ACTL9: variants seen among roughly 807,000 people sequenced by gnomAD.
ACTL9 encodes actin-like protein 9.
A neutral mutation model predicts 0.9 loss-of-function variants in ACTL9; 1 was observed. The ratio of observed to expected loss-of-function variants is 1.10; its 90% CI spans 0.39 to 5.23. ACTL9 has a LOEUF of 5.23. Ranked by LOEUF, ACTL9 falls within the 30% of genes most tolerant of loss-of-function variation. The probability of loss-of-function intolerance (pLI) is 0.16; values close to 1 mark genes in which losing one functional copy is unlikely to be tolerated. For synonymous variants in ACTL9, 283 were observed against 269.5 expected (o/e 1.05, Z -0.49); for missense variants, 597 against 566.8 (o/e 1.05, Z -0.54).
In ACTL9 at chr19:8,697,886, C is replaced by A; in HGVS notation, c.816G>T (p.Pro272=). Residue 272 remains proline (P), a synonymous_variant, in exon 1 of 1, where the codon CCG becomes CCT. Transcript: ENST00000324436. This position sits in a 1 kb window ranked among gnomAD's most constrained non-coding sequence, Gnocchi z 4.3. ...ASDFQKEQAR[P]EQEYKRTLKL... is the part of the protein sequence containing the mutation. The stretch of plus-strand genomic sequence containing the variant: ...TCAGAGTCCGCTTGTACTCCTGCTC[C>A]GGCCGGGCCTGCTCCTTCTGGAAGT... 6.2e-7 allele frequency: 1 copy of A among 1,613,382 alleles called. No homozygotes were observed. Among genetic ancestry groups the A allele is most frequent in the Non-Finnish European group, 8.5e-7 (1 of 1,179,954 alleles).
rs781963592 is a variant in ACTL9, at chr19:8,697,710, C to G, written c.992G>C (p.Arg331Pro). 1.9e-6 allele frequency: 3 copies of G among 1,613,026 alleles called. No individual in the cohort carries two copies. The highest frequency in any genetic ancestry group is 1.3e-5 in the African/African-American group (1 of 74,888). The change falls in exon 1 of 1, where the codon CGC becomes CCC. Residue 331 changes from arginine to proline, a missense_variant. By Grantham distance (103) the Arg-to-Pro change is moderately radical. Transcript: ENST00000324436. The surrounding 1 kb of genome is among the most constrained non-coding windows in gnomAD (Gnocchi z 4.3). ...QSLRKLSLEM[R>P]ADLAQNVLLC... ...AAGCACGTTTTGGGCCAAGTCCGCG[C>G]GCATCTCCAGTGACAACTTGCGGAG...
Position 8,698,632 on chromosome 19 carries a change from G to A in ACTL9, c.70C>T (p.Pro24Ser). ...GGCTTGTTCACCACGTTGGGACTGG[G>A]GTTTGGGCCGGGCCTGGGGGCCTCC... ...SLEAPRPGPN[P>S]SPNVVNKPLQ... Residue 24 changes from proline (P) to serine (S), a missense_variant, in exon 1 of 1, where the codon CCC becomes TCC. Pro to Ser is a moderately conservative substitution (Grantham distance 74). Coordinates refer to ENST00000324436, the MANE Select transcript of ACTL9 (RefSeq NM_178525.5). The A allele has an allele frequency of 1.3e-6, 2 of 1,595,768 alleles. No homozygotes were observed. The highest frequency in any genetic ancestry group is 1.7e-6 in the Non-Finnish European group (2 of 1,167,332).
In ACTL9 at chr19:8,698,751, G is replaced by T. The variant is rs900301381; in HGVS notation, c.-50C>A. ...GCTTTTCCTCTGGGGTTGGGGTTGCGGGGAGAAGAGGTTGAGGCCCGGCCA... is the reference window on the plus strand; with the variant it reads ...GCTTTTCCTCTGGGGTTGGGGTTGCTGGGAGAAGAGGTTGAGGCCCGGCCA... On this transcript the variant is annotated 5_prime_UTR_variant, in exon 1 of 1. Coordinates refer to ENST00000324436, the MANE Select transcript of ACTL9 (RefSeq NM_178525.5). 5.5e-6 allele frequency: 8 copies of T among 1,448,550 alleles called. No individual in the cohort carries two copies. The highest frequency in any genetic ancestry group is 1.5e-5 in the South Asian group (1 of 65,506). The allele number at this position is 1,448,550 out of a possible 1,614,324, so 89.7% of individuals were successfully genotyped here. A position where few individuals can be genotyped will look rare whatever the true frequency, so the allele number is the denominator to read the frequency against.
Position 8,697,553 on chromosome 19 carries a change from C to T in ACTL9, c.1149G>A (p.Gly383=). ...QPTRNFSVWI[G]GSILASLRAF... ...CGCGCAGGGAGGCCAGGATGGAGCC[C>T]CCGATCCATACGGAGAAATTCCTGG... The change falls in exon 1 of 1, where the codon GGG becomes GGA. Residue 383 remains glycine (G), a synonymous_variant. Coordinates refer to ENST00000324436, the MANE Select transcript of ACTL9 (RefSeq NM_178525.5). The surrounding 1 kb of genome is among the most constrained non-coding windows in gnomAD (Gnocchi z 4.3). 5 of 1,613,750 alleles carry T rather than the reference C, an allele frequency of 3.1e-6. No individual in the cohort carries two copies. Among genetic ancestry groups the T allele is most frequent in the Non-Finnish European group, 4.2e-6 (5 of 1,179,924 alleles).
rs2043211013 is a variant in ACTL9 at position 8,698,336 on chromosome 19, C to T, written c.366G>A (p.Trp122Ter). The change falls in exon 1 of 1, where the codon TGG becomes TGA. Residue 122 changes from tryptophan to a stop codon, truncating the protein, a stop_gained. Transcript: ENST00000324436. LOFTEE classifies it low-confidence loss of function (END_TRUNC). ...GGCGCCAGATGAGCTCGGCGGCATC[C>T]CAGTCCACGACGATGCCGCTGCGCA... ...QPLRSGIVVD[W>*]DAAELIWRHL... 1 of 1,525,232 alleles carries T rather than the reference C, an allele frequency of 6.6e-7. No individual in the cohort carries two copies. Among genetic ancestry groups the T allele is most frequent in the Non-Finnish European group, 8.8e-7 (1 of 1,135,380 alleles). 94.5% of individuals were successfully genotyped at this position (1,525,232 alleles called of 1,614,324 possible). A position where few individuals can be genotyped will look rare whatever the true frequency, so the allele number is the denominator to read the frequency against.
rs2043211720 is a variant in ACTL9 at position 8,698,411 on chromosome 19, G to A, written c.291C>T (p.Phe97=). 8 of 1,517,382 alleles carry A rather than the reference G, an allele frequency of 5.3e-6. No homozygotes were observed. Among genetic ancestry groups the A allele is most frequent in the Non-Finnish European group, 7.1e-6 (8 of 1,132,320 alleles). 94.0% of individuals were successfully genotyped at this position (1,517,382 alleles called of 1,614,324 possible). Residue 97 remains phenylalanine, a synonymous_variant, in exon 1 of 1, where the codon TTC becomes TTT. Transcript: ENST00000324436. ...GGAGCACGCGGGCTGCCTCGCCGATGAACGTCTGCAGCCCGGACTGCCCCG... is the reference window on the plus strand; with the variant it reads ...GGAGCACGCGGGCTGCCTCGCCGATAAACGTCTGCAGCCCGGACTGCCCCG... ...ATSGQSGLQT[F]IGEAARVLPE... is the part of the protein sequence containing the mutation.
rs782617571 is a variant in ACTL9 at position 8,697,681 on chromosome 19, A to G, written c.1021T>C (p.Cys341Arg). 6.2e-7 allele frequency: 1 copy of G among 1,613,124 alleles called. No homozygotes were observed. Among genetic ancestry groups the G allele is most frequent in the East Asian group, 2.2e-5 (1 of 44,858 alleles). Reference sequence around the variant, plus strand: ...CCGGTGAAGAGCGAGGACCCACCGCAGAGAAGCACGTTTTGGGCCAAGTCC... The same window carrying G: ...CCGGTGAAGAGCGAGGACCCACCGCGGAGAAGCACGTTTTGGGCCAAGTCC... Reference protein sequence around the residue: ...RADLAQNVLLCGGSSLFTGFE... With the variant: ...RADLAQNVLLRGGSSLFTGFE... The change falls in exon 1 of 1, where the codon TGC (cysteine) becomes CGC (arginine). Residue 341 changes from cysteine to arginine, a missense_variant. Transcript: ENST00000324436. This position sits in a 1 kb window ranked among gnomAD's most constrained non-coding sequence, Gnocchi z 4.3.
Position 8,697,700 on chromosome 19 carries a change from C to G in ACTL9, c.1002G>C (p.Leu334Phe). 3 of 1,613,162 alleles carry G rather than the reference C, an allele frequency of 1.9e-6. No homozygotes were observed. Among genetic ancestry groups the G allele is most frequent in the Non-Finnish European group, 1.7e-6 (2 of 1,179,966 alleles). ...RKLSLEMRAD[L>F]AQNVLLCGGS... is the part of the protein sequence containing the mutation. The stretch of plus-strand genomic sequence containing the variant: ...CACCGCAGAGAAGCACGTTTTGGGC[C>G]AAGTCCGCGCGCATCTCCAGTGACA... The change falls in exon 1 of 1, where the codon TTG becomes TTC. Residue 334 changes from leucine (L) to phenylalanine (F), a missense_variant. Coordinates refer to ENST00000324436, the MANE Select transcript of ACTL9 (RefSeq NM_178525.5). The surrounding 1 kb of genome is among the most constrained non-coding windows in gnomAD (Gnocchi z 4.3).
chr19:8,697,576 T>C lies in ACTL9; in HGVS notation c.1126A>G (p.Arg376Gly). 6.2e-7 allele frequency: 1 copy of C among 1,613,638 alleles called. No homozygotes were observed. The highest frequency in any genetic ancestry group is 8.5e-7 in the Non-Finnish European group (1 of 1,179,916). The change falls in exon 1 of 1, where the codon AGG (arginine) becomes GGG (glycine). Residue 376 changes from arginine to glycine, a missense_variant. Physicochemically the swap from Arg to Gly is moderately radical, Grantham distance 125. Transcript: ENST00000324436. The surrounding 1 kb of genome is among the most constrained non-coding windows in gnomAD (Gnocchi z 4.3). ...CCCCCGATCCATACGGAGAAATTCC[T>C]GGTGGGCTGGGCAGCCACCACCACG... is the stretch of plus-strand genomic sequence containing the variant. ...THVVVAAQPTRNFSVWIGGSI... is the reference protein window; with the variant it reads ...THVVVAAQPTGNFSVWIGGSI...
chr19:8,698,558 C>T lies in ACTL9; in HGVS notation c.144G>A (p.Lys48=), dbSNP rs1555753520. The change falls in exon 1 of 1, where the codon AAG becomes AAA. Residue 48 remains lysine, a synonymous_variant. Transcript: ENST00000324436. ...CCATGTCAATAACCACCGCGCCGGT[C>T]TTTGGTGGCAGCCTGTCGGCCACCA... The part of the protein sequence containing the change: ...PGMVADRLPP[K]TGAVVIDMGT... 2 of 1,612,712 alleles carry T rather than the reference C, an allele frequency of 1.2e-6. No individual in the cohort carries two copies. Among genetic ancestry groups the T allele is most frequent in the Non-Finnish European group, 1.7e-6 (2 of 1,179,042 alleles).
At position 8,697,731 on chromosome 19, in the gene ACTL9, C is replaced by A. The variant is rs781910235; in HGVS notation, c.971G>T (p.Arg324Leu). ...CGCGCGCATCTCCAGTGACAACTTG[C>A]GGAGACTCTGCTTGGCCATGGTGGA... is the stretch of plus-strand genomic sequence containing the variant. The part of the protein sequence containing the change: ...GLSTMAKQSL[R>L]KLSLEMRADL... Residue 324 changes from arginine to leucine, a missense_variant, in exon 1 of 1, where the codon CGC becomes CTC. Arg to Leu is a moderately radical substitution (Grantham distance 102). Coordinates refer to ENST00000324436, the MANE Select transcript of ACTL9 (RefSeq NM_178525.5). The surrounding 1 kb of genome is among the most constrained non-coding windows in gnomAD (Gnocchi z 4.3). The A allele has an allele frequency of 2.5e-6, 4 of 1,613,084 alleles. No homozygotes were observed. The East Asian group carries it at 6.7e-5, about 27-fold the overall frequency.
chr19:8,697,856 C>G lies in ACTL9; in HGVS notation c.846G>C (p.Leu282=), dbSNP rs572162033. 1 of 1,613,200 alleles carries G rather than the reference C, an allele frequency of 6.2e-7. No individual in the cohort carries two copies. The highest frequency in any genetic ancestry group is 1.3e-5 in the African/African-American group (1 of 75,038). ...CCAGGGTGACCGTGCGCCCATCGGG[C>G]AGCTTCAGAGTCCGCTTGTACTCCT... is the stretch of plus-strand genomic sequence containing the variant. ...PEQEYKRTLK[L]PDGRTVTLGK... The change falls in exon 1 of 1, where the codon CTG becomes CTC. Residue 282 remains leucine (L), a synonymous_variant. Coordinates refer to ENST00000324436, the MANE Select transcript of ACTL9 (RefSeq NM_178525.5). This position sits in a 1 kb window ranked among gnomAD's most constrained non-coding sequence, Gnocchi z 4.3.
At position 8,698,186 on chromosome 19, in the gene ACTL9, G is replaced by C. The variant is rs2146191351; in HGVS notation, c.516C>G (p.Ser172=). Residue 172 remains serine (S), a synonymous_variant, in exon 1 of 1, where the codon TCC becomes TCG. Transcript: ENST00000324436. ...LVEVAFESLR[S]PAMYVASQSV... is the part of the protein sequence containing the mutation. ...ACTGCGATGCCACGTACATGGCTGG[G>C]GAGCGCAGCGACTCGAAGGCCACCT... 2 of 1,608,230 alleles carry C rather than the reference G, an allele frequency of 1.2e-6. No individual in the cohort carries two copies. Among genetic ancestry groups the C allele is most frequent in the South Asian group, 1.1e-5 (1 of 90,974 alleles).
rs138094625 is a variant in ACTL9, at chr19:8,698,549, C to T, written c.153G>A (p.Ala51=). 89 of 1,612,230 alleles carry T rather than the reference C, an allele frequency of 5.5e-5. No individual in the cohort carries two copies. The African/African-American group carries it at 1.1e-3, about 20-fold the overall frequency. Residue 51 remains alanine, a synonymous_variant, in exon 1 of 1, where the codon GCG becomes GCA. Coordinates refer to ENST00000324436, the MANE Select transcript of ACTL9 (RefSeq NM_178525.5). The part of the protein sequence containing the change: ...VADRLPPKTG[A]VVIDMGTGTC... ...TGCCTGTGCCCATGTCAATAACCAC[C>T]GCGCCGGTCTTTGGTGGCAGCCTGT...
chr19:8,697,621 C>CA lies in ACTL9; in HGVS notation c.1080_1081insT (p.Ala361CysfsTer69). On this transcript the variant is annotated frameshift_variant, in exon 1 of 1. Coordinates refer to ENST00000324436, the MANE Select transcript of ACTL9 (RefSeq NM_178525.5). LOFTEE classifies it low-confidence loss of function (END_TRUNC). This position sits in a 1 kb window ranked among gnomAD's most constrained non-coding sequence, Gnocchi z 4.3. ...ACCACGTGGGTCTCGGCTGGCAGAGCGCGCAGCAGCTCTGCCCGGAAGCGA... is the reference window on the plus strand; with the variant it reads ...ACCACGTGGGTCTCGGCTGGCAGAGCAGCGCAGCAGCTCTGCCCGGAAGCGA... The CA allele has an allele frequency of 1.2e-6, 2 of 1,612,296 alleles. No individual in the cohort carries two copies. Among genetic ancestry groups the CA allele is most frequent in the Non-Finnish European group, 1.7e-6 (2 of 1,179,732 alleles).
rs782291764 is a variant in ACTL9 at position 8,698,723 on chromosome 19, G to T, written c.-22C>A. 2.0e-6 allele frequency: 3 copies of T among 1,487,640 alleles called. No individual in the cohort carries two copies. The highest frequency in any genetic ancestry group is 2.7e-6 in the Non-Finnish European group (3 of 1,112,618). 92.2% of individuals were successfully genotyped at this position (1,487,640 alleles called of 1,614,324 possible). On this transcript the variant is annotated 5_prime_UTR_variant, in exon 1 of 1. Transcript: ENST00000324436. ...CCATGGTTGCGGGACGCCAGGTGAG[G>T]GGGCTTTTCCTCTGGGGTTGGGGTT...
In ACTL9 at chr19:8,698,448, T is replaced by G; in HGVS notation, c.254A>C (p.Lys85Thr). Reference protein sequence around the residue: ...VATILGCQPKKPATSGQSGLQ... With the variant: ...VATILGCQPKTPATSGQSGLQ... ...CCCGGACTGCCCCGAGGTGGCGGGTTTCTTGGGCTGGCAGCCCAGGATGGT... is the reference window on the plus strand; with the variant it reads ...CCCGGACTGCCCCGAGGTGGCGGGTGTCTTGGGCTGGCAGCCCAGGATGGT... The change falls in exon 1 of 1, where the codon AAA becomes ACA. Residue 85 changes from lysine (K) to threonine (T), a missense_variant. Physicochemically the swap from Lys to Thr is moderately conservative, Grantham distance 78. Transcript: ENST00000324436. 2 of 1,527,264 alleles carry G rather than the reference T, an allele frequency of 1.3e-6. No individual in the cohort carries two copies. The highest frequency in any genetic ancestry group is 1.8e-6 in the Non-Finnish European group (2 of 1,135,776). The allele number at this position is 1,527,264 out of a possible 1,614,324, so 94.6% of individuals were successfully genotyped here.
Position 8,698,634 on chromosome 19 carries a change from T to A in ACTL9, c.68A>T (p.Asn23Ile), listed in dbSNP as rs961197862. The A allele has an allele frequency of 2.5e-6, 4 of 1,591,852 alleles. No individual in the cohort carries two copies. Residue 23 changes from asparagine to isoleucine, a missense_variant, in exon 1 of 1, where the codon AAC (asparagine) becomes ATC (isoleucine). Coordinates refer to ENST00000324436, the MANE Select transcript of ACTL9 (RefSeq NM_178525.5). ...CTTGTTCACCACGTTGGGACTGGGG[T>A]TTGGGCCGGGCCTGGGGGCCTCCAG... ...SSLEAPRPGPNPSPNVVNKPL... is the reference protein window; with the variant it reads ...SSLEAPRPGPIPSPNVVNKPL...
rs1157797767 is a variant in ACTL9 at position 8,698,381 on chromosome 19, C to A, written c.321G>T (p.Glu107Asp). The A allele has an allele frequency of 6.6e-7, 1 of 1,516,270 alleles. No individual in the cohort carries two copies. Among genetic ancestry groups the A allele is most frequent in the Non-Finnish European group, 8.8e-7 (1 of 1,131,418 alleles). 93.9% of individuals were successfully genotyped at this position (1,516,270 alleles called of 1,614,324 possible). A position where few individuals can be genotyped will look rare whatever the true frequency, so the allele number is the denominator to read the frequency against. Reference sequence around the variant, plus strand: ...TGCGCAGGGGTTGCACCAGCGTCAGCTCTGGGAGCACGCGGGCTGCCTCGC... The same window carrying A: ...TGCGCAGGGGTTGCACCAGCGTCAGATCTGGGAGCACGCGGGCTGCCTCGC... ...FIGEAARVLP[E>D]LTLVQPLRSG... Residue 107 changes from glutamate to aspartate, a missense_variant, in exon 1 of 1, where the codon GAG (glutamate) becomes GAT (aspartate). By Grantham distance (45) the Glu-to-Asp change is conservative. Transcript: ENST00000324436.
Sources: gnomAD v4.1 joint callset for allele counts on GRCh38, gnomAD v4.1.1 for gene constraint, Gnocchi (gnomAD v3.1) non-coding constraint, MANE v1.5 for transcripts, NCBI Gene and HGNC (gene_info 2026-07-23, HGNC 2026-07-21) for gene names.